Variants in ESRRB observed in about 807,000 individuals in gnomAD.
ESRRB encodes the protein steroid hormone receptor ERR2.
Under a neutral mutation model 46.0 loss-of-function variants are expected in ESRRB, and 16 were observed. The observed-to-expected ratio is 0.35, with a 90% CI of 0.24 to 0.53. The LOEUF (loss-of-function observed/expected upper bound fraction) is 0.53. Ranked by LOEUF, ESRRB falls within the 20% of genes least tolerant of loss-of-function variation. ESRRB has a pLI of 0.93. For missense variants in ESRRB, 488 were observed against 607.4 expected (o/e 0.80, Z 2.07); for synonymous variants, 246 against 259.6 (o/e 0.95, Z 0.50).
chr14:76,366,091 C>CCTGA (rs1884519107), intron 1 of ESRRB, among the ~76,000 whole-genome samples: 1 of 152,160 alleles, frequency 6.6e-6, no homozygotes, highest in Admixed American at 6.5e-5. Context: ...CCCCTACCTT[C>CCTGA]AGGGAGTGAT....
At chr14:76,369,248 A>G (rs1026010349), upstream of ESRRB, among the ~76,000 whole-genome samples, 4 of 149,904 alleles carry the variant, frequency 2.7e-5, no homozygotes, top group African/African-American at 9.8e-5. Context: ...ACTTTAGAAA[A>G]CACTGATCTT....
intron 1 of ESRRB, among the ~76,000 whole-genome samples, chr14:76,327,534 C>G (rs1206607244): frequency 3.3e-5 from 5 of 152,126 alleles, no homozygotes; most frequent in Admixed American, 6.5e-5. Flanking sequence ...GCACTGCGCT[C>G]TCTCCTGTCT....
At chr14:76,497,425 G>A (rs958486491) in intron 6 of ESRRB, among the ~76,000 whole-genome samples, 1 of 152,098 alleles carries the variant, frequency 6.6e-6, no homozygotes. Flanking sequence ...TTTTACAGCC[G>A]GCTTAGACCC....
chr14:76,379,085 A>G (rs1036486532), intron 1 of ESRRB, among the ~76,000 whole-genome samples: 6 of 152,156 alleles, frequency 3.9e-5, no homozygotes, highest in African/African-American at 1.2e-4. Flanking sequence ...ATGCTGTAGA[A>G]TCATTCTCAC....
At chr14:76,388,127 G>A (rs143191735) in intron 1 of ESRRB, among the ~76,000 whole-genome samples, 2 of 151,206 alleles carry the variant, frequency 1.3e-5, no homozygotes, top group Admixed American at 1.3e-4. Flanking sequence ...TCCTCACCCC[G>A]ATGTTATGTG....
chr14:76,482,140 C>T lies in ESRRB; in HGVS notation c.688+14C>T. The T allele has an allele frequency of 1.3e-6, 2 of 1,585,968 alleles. No individual in the cohort carries two copies. Among genetic ancestry groups the T allele is most frequent in the Non-Finnish European group, 8.7e-7 (1 of 1,154,388 alleles). Reference sequence around the variant, plus strand: ...CTAAAAAGCCATGTGAGTGTCAGGGCAGTCCCTGCCCCTTTTGCCAGCATC... The same window carrying T: ...CTAAAAAGCCATGTGAGTGTCAGGGTAGTCCCTGCCCCTTTTGCCAGCATC... On this transcript the variant is annotated intron_variant, in intron 4 of 6. Transcript: ENST00000644823. The surrounding 1 kb of genome is among the most constrained non-coding windows in gnomAD (Gnocchi z 4.3).
At chr14:76,357,219 C>A (rs1158080458) in intron 1 of ESRRB, among the ~76,000 whole-genome samples, 3 of 152,194 alleles carry the variant, frequency 2.0e-5, no homozygotes, top group African/African-American at 7.2e-5. Context: ...TTTTAAGGTG[C>A]AAGGAGGAGC....
intron 1 of ESRRB, chr14:76,407,653 A>C (rs575735161): frequency 1.1e-6 from 1 of 909,244 alleles, no homozygotes; most frequent in South Asian, 5.1e-5. Flanking sequence ...ACTCAGTCCA[A>C]AACCCTCGTG....
rs869242837 is a variant in ESRRB, at chr14:76,417,944, CT to C, written c.51-21373del. On this transcript the variant is annotated intron_variant, in intron 1 of 6. Coordinates refer to ENST00000644823, the MANE Select transcript of ESRRB (RefSeq NM_001379180.1). Reference sequence around the variant, plus strand: ...CAGAGCCAGGTGGGGCTTTTACATACTTTTTTTTTTTTTTTTTTTTTTTTGG... The same window carrying C: ...CAGAGCCAGGTGGGGCTTTTACATACTTTTTTTTTTTTTTTTTTTTTTTGG... Among the ~76,000 whole-genome samples, 518 of 91,350 alleles carry C rather than the reference CT, an allele frequency of 5.7e-3. 2 individuals carry two copies. The highest frequency in any genetic ancestry group is 0.023 in the Middle Eastern group (3 of 130). The allele number at this position is 91,350 out of a possible 152,430, so 59.9% of individuals were successfully genotyped here. A position where few individuals can be genotyped will look rare whatever the true frequency, so the allele number is the denominator to read the frequency against.
chr14:76,346,804 G>A (rs2139756876), intron 1 of ESRRB, among the ~76,000 whole-genome samples: 1 of 152,342 alleles, frequency 6.6e-6, no homozygotes, highest in East Asian at 1.9e-4. Flanking sequence ...GGATCCACCA[G>A]GATTCTGTAA....
chr14:76,465,200 A>G lies in ESRRB; in HGVS notation c.577+2539A>G, dbSNP rs146383254. On this transcript the variant is annotated intron_variant, in intron 3 of 6. Coordinates refer to ENST00000644823, the MANE Select transcript of ESRRB (RefSeq NM_001379180.1). Reference sequence around the variant, plus strand: ...AGATGACTCCTACCCTCAGTCACACATTCATCTGAGGGGAGCTGGGCCCAG... The same window carrying G: ...AGATGACTCCTACCCTCAGTCACACGTTCATCTGAGGGGAGCTGGGCCCAG... Among the ~76,000 whole-genome samples the G allele has an allele frequency of 6.7e-3, 1,021 of 151,988 alleles. 4 individuals are homozygous for G. Among genetic ancestry groups the G allele is most frequent in the Middle Eastern group, 0.014 (4 of 294 alleles).
chr14:76,491,440 C>G lies in ESRRB; in HGVS notation c.851-7C>G, dbSNP rs1222861264. The G allele has an allele frequency of 3.1e-6, 5 of 1,607,970 alleles. No homozygotes were observed. The South Asian group carries it at 5.6e-5, about 18-fold the overall frequency. On this transcript the variant is annotated splice_polypyrimidine_tract_variant and splice_region_variant and intron_variant, in intron 5 of 6. Coordinates refer to ENST00000644823, the MANE Select transcript of ESRRB (RefSeq NM_001379180.1). ...GCTGCTGCCCTCTGTGCCCCCTCTTCCTGCAGGCTTCTCAAGCCTCTCCCT... is the reference window on the plus strand; with the variant it reads ...GCTGCTGCCCTCTGTGCCCCCTCTTGCTGCAGGCTTCTCAAGCCTCTCCCT...
Position 76,376,574 on chromosome 14 carries a change from T to G in ESRRB, c.50+123T>G. ...GTGGAAGGGACTTCGGGGGGGCACT[T>G]GGGGGACGAAGGAGGGGAAAAGCCG... On this transcript the variant is annotated intron_variant, in intron 1 of 6. Coordinates refer to ENST00000644823, the MANE Select transcript of ESRRB (RefSeq NM_001379180.1). The surrounding 1 kb of genome is among the most constrained non-coding windows in gnomAD (Gnocchi z 4.1). The G allele has an allele frequency of 1.5e-5, 9 of 605,126 alleles. No homozygotes were observed. Among genetic ancestry groups the G allele is most frequent in the Admixed American group, 4.4e-5 (1 of 22,816 alleles). The allele number at this position is 605,126 out of a possible 1,614,324, so 37.5% of individuals were successfully genotyped here.
chr14:76,316,431 G>GT (rs1396230306), intron 1 of ESRRB, among the ~76,000 whole-genome samples: 18 of 151,490 alleles, frequency 1.2e-4, no homozygotes, highest in South Asian at 4.2e-4. Flanking sequence ...GCAGTTGGTA[G>GT]TAGTCATAGT....
intron 1 of ESRRB, among the ~76,000 whole-genome samples, chr14:76,412,905 C>G (rs1412985544): frequency 6.6e-6 from 1 of 152,112 alleles, no homozygotes; most frequent in East Asian, 1.9e-4. Context: ...CACTTGAACC[C>G]AGGAGTTCAA....
At chr14:76,383,813 T>C (rs1753822229) in intron 1 of ESRRB, among the ~76,000 whole-genome samples, 2 of 152,146 alleles carry the variant, frequency 1.3e-5, no homozygotes, top group African/African-American at 4.8e-5. Flanking sequence ...CCTTTATTCA[T>C]GGCCGCTGGC....
intron 1 of ESRRB, among the ~76,000 whole-genome samples, chr14:76,437,778 C>T (rs1887737301): frequency 1.3e-5 from 2 of 152,202 alleles, no homozygotes; most frequent in Non-Finnish European, 2.9e-5. Flanking sequence ...GTGAGCTCAG[C>T]TGTCTTTCTT....
chr14:76,498,838 C>T lies in ESRRB; in HGVS notation c.*380C>T. Reference sequence around the variant, plus strand: ...GTGCATTTCCTAACTCCCTTGCCCCCTCCCCCATCTGTGGCCTGGGTGGGC... The same window carrying T: ...GTGCATTTCCTAACTCCCTTGCCCCTTCCCCCATCTGTGGCCTGGGTGGGC... On this transcript the variant is annotated 3_prime_UTR_variant, in exon 7 of 7. Transcript: ENST00000644823. The T allele has an allele frequency of 1.8e-6, 1 of 551,616 alleles. No individual in the cohort carries two copies. Among genetic ancestry groups the T allele is most frequent in the Non-Finnish European group, 3.7e-6 (1 of 273,016 alleles). 34.2% of individuals were successfully genotyped at this position (551,616 alleles called of 1,614,324 possible).
chr14:76,446,756 G>C (rs1455684544), intron 2 of ESRRB, among the ~76,000 whole-genome samples: 1 of 152,172 alleles, frequency 6.6e-6, no homozygotes, highest in African/African-American at 2.4e-5. Context: ...CAGGCAGACA[G>C]ATCAATTTCT....
Sources: allele counts gnomAD v4.1 joint callset (sites outside exome capture counted in the v4.1 genomes callset), GRCh38; gene constraint gnomAD v4.1.1; non-coding constraint Gnocchi (gnomAD v3.1); transcripts MANE v1.5; gene names NCBI Gene and HGNC (gene_info 2026-07-23, HGNC 2026-07-21).